KIF1B: variants seen among roughly 807,000 people sequenced by gnomAD.
The protein encoded by KIF1B is kinesin family member 1B.
Under a neutral mutation model 241.9 loss-of-function variants are expected in KIF1B, and 76 were observed. The ratio of observed to expected loss-of-function variants is 0.31; its 90% CI spans 0.26 to 0.38. The LOEUF is 0.38. Ranked by LOEUF, KIF1B falls within the 10% of genes least tolerant of loss-of-function variation. The pLI, the probability that KIF1B is intolerant of heterozygous loss-of-function variation, is 1.00. For synonymous variants in KIF1B, 750 were observed against 796.7 expected (o/e 0.94, Z 0.99); for missense variants, 1,622 against 2,271.4 (o/e 0.71, Z 5.81).
intron 5 of KIF1B, among the ~76,000 whole-genome samples, chr1:10,263,282 AATAAT>A (rs1397617744): frequency 6.5e-5 from 8 of 123,372 alleles, no homozygotes; most frequent in South Asian, 4.6e-4. Flanking sequence ...AAAAAAAAAT[AATAAT>A]AATAAATAAA....
In KIF1B at chr1:10,305,209, C is replaced by A. The variant is rs964851118; in HGVS notation, c.2115+7963C>A. On this transcript the variant is annotated intron_variant, in intron 22 of 48. Transcript: ENST00000676179. Reference sequence around the variant, plus strand: ...CAAAACTAAAGGTCTTCAAACATATCTTGCAATACATAGCTTTGCATCTTC... The same window carrying A: ...CAAAACTAAAGGTCTTCAAACATATATTGCAATACATAGCTTTGCATCTTC... The A allele has an allele frequency of 2.9e-6, 3 of 1,046,092 alleles. No homozygotes were observed. The East Asian group carries it at 1.7e-4, about 59-fold the overall frequency. 64.8% of individuals were successfully genotyped at this position (1,046,092 alleles called of 1,614,324 possible). A position where few individuals can be genotyped will look rare whatever the true frequency, so the allele number is the denominator to read the frequency against.
In KIF1B at chr1:10,297,678, G is replaced by T. The variant is rs189827499; in HGVS notation, c.2115+432G>T. Among the ~76,000 whole-genome samples the T allele has an allele frequency of 4.5e-4, 68 of 151,944 alleles. 1 individual carries two copies. The highest frequency in any genetic ancestry group is 4.5e-3 in the Admixed American group (68 of 15,270). On this transcript the variant is annotated intron_variant, in intron 22 of 48. Transcript: ENST00000676179. ...TTCTCTGCTCTTGGGCTGACTTTGGGATTGTTCTTACGCTGGGCAGACTTT... is the reference window on the plus strand; with the variant it reads ...TTCTCTGCTCTTGGGCTGACTTTGGTATTGTTCTTACGCTGGGCAGACTTT...
At chr1:10,335,391 TA>T (rs1340029385) in intron 28 of KIF1B, among the ~76,000 whole-genome samples, 2 of 152,182 alleles carry the variant, frequency 1.3e-5, no homozygotes, top group Non-Finnish European at 2.9e-5. Context: ...TAAATGGGAT[TA>T]CAGGTGCCCA....
chr1:10,336,559 A>C, intron 28 of KIF1B, 98 bp from the exon 29 acceptor site: 1 of 935,214 alleles, frequency 1.1e-6, no homozygotes, highest in Non-Finnish European at 1.8e-6. Flanking sequence ...TCATTCTCTC[A>C]TGCCAAAGAC....
intron 22 of KIF1B, among the ~76,000 whole-genome samples, chr1:10,309,583 A>C (rs994297202): frequency 1.3e-5 from 2 of 151,250 alleles, no homozygotes; most frequent in African/African-American, 2.5e-5. Context: ...TAACCGGAAA[A>C]CTCAGAATGG....
chr1:10,342,492 C>T (rs1210495331), intron 33 of KIF1B, among the ~76,000 whole-genome samples: 1 of 152,182 alleles, frequency 6.6e-6, no homozygotes, highest in East Asian at 1.9e-4. Flanking sequence ...CTTTATGAAA[C>T]AGAAGCTCTA....
chr1:10,327,727 T>C (rs1651777199), intron 27 of KIF1B, among the ~76,000 whole-genome samples: 2 of 152,300 alleles, frequency 1.3e-5, no homozygotes, highest in South Asian at 4.1e-4. Flanking sequence ...AGAGCATGCA[T>C]TGAATTAACC....
At chr1:10,226,233 A>G (rs1646906790) in intron 1 of KIF1B, among the ~76,000 whole-genome samples, 1 of 152,196 alleles carries the variant, frequency 6.6e-6, no homozygotes, top group Non-Finnish European at 1.5e-5. Context: ...ATTAAAAAGA[A>G]ATAGAAAGGA....
intron 38 of KIF1B, among the ~76,000 whole-genome samples, chr1:10,355,120 G>A (rs765637266): frequency 2.6e-4 from 39 of 152,256 alleles, no homozygotes; most frequent in Middle Eastern, 3.4e-3. Context: ...ACTGATGGTG[G>A]TGGTCTCCAC....
chr1:10,276,414 T>A lies in KIF1B; in HGVS notation c.1037+15T>A. The A allele has an allele frequency of 6.3e-7, 1 of 1,598,030 alleles. No homozygotes were observed. The highest frequency in any genetic ancestry group is 8.6e-7 in the Non-Finnish European group (1 of 1,166,044). On this transcript the variant is annotated intron_variant, in intron 12 of 48. Transcript: ENST00000676179. ...AGCACTCTGAGGTACTTTCTTTTGATCTCAGTAACAACATAGACCACATTG... is the reference window on the plus strand; with the variant it reads ...AGCACTCTGAGGTACTTTCTTTTGAACTCAGTAACAACATAGACCACATTG...
At chr1:10,270,812 G>T (rs1487908637) in intron 7 of KIF1B, among the ~76,000 whole-genome samples, 1 of 151,774 alleles carries the variant, frequency 6.6e-6, no homozygotes, top group Non-Finnish European at 1.5e-5. Flanking sequence ...TGTAAGCTCA[G>T]CTACTCGGGA....
chr1:10,299,808 A>G (rs1342808520), intron 22 of KIF1B, among the ~76,000 whole-genome samples: 3 of 152,054 alleles, frequency 2.0e-5, no homozygotes, highest in Non-Finnish European at 2.9e-5. Flanking sequence ...TTATTTGCAT[A>G]AGTTCCTTGC....
At position 10,321,826 on chromosome 1, in the gene KIF1B, C is replaced by T. The variant is rs779154575; in HGVS notation, c.2327C>T (p.Ala776Val). ...LWGNAVYLKE[A>V]NAISVELKKK... ...GGCAATGCCGTGTACCTAAAGGAGG[C>T]CAATGCCATCAGTGTGGAACTGAAA... Residue 776 changes from alanine (A) to valine (V), a missense_variant, in exon 24 of 49, where the codon GCC becomes GTC. Coordinates refer to ENST00000676179, the MANE Select transcript of KIF1B (RefSeq NM_001365951.3). The T allele has an allele frequency of 1.9e-6, 3 of 1,614,118 alleles. No individual in the cohort carries two copies. Among genetic ancestry groups the T allele is most frequent in the South Asian group, 2.2e-5 (2 of 91,078 alleles).
At chr1:10,360,610 G>C (rs148863077) in intron 38 of KIF1B, among the ~76,000 whole-genome samples, 4,354 of 151,264 alleles carry the variant, frequency 0.029, 63 homozygotes, top group African/African-American at 0.038. Flanking sequence ...ACTTGAACCC[G>C]GGAGGCAGAG....
At chr1:10,219,306 C>A (rs1646809562) in intron 1 of KIF1B, among the ~76,000 whole-genome samples, 1 of 151,436 alleles carries the variant, frequency 6.6e-6, no homozygotes, top group Non-Finnish European at 1.5e-5. Flanking sequence ...ACTAAAAATA[C>A]AAATTTAGCC....
intron 22 of KIF1B, among the ~76,000 whole-genome samples, chr1:10,315,995 A>T (rs1329621096): frequency 6.8e-6 from 1 of 147,202 alleles, no homozygotes; most frequent in Non-Finnish European, 1.5e-5. Flanking sequence ...GGCAGAGGTT[A>T]TAGTGAGCTG....
At chr1:10,291,624 A>G (rs1650000379) in intron 16 of KIF1B, among the ~76,000 whole-genome samples, 1 of 151,960 alleles carries the variant, frequency 6.6e-6, no homozygotes, top group Non-Finnish European at 1.5e-5. Flanking sequence ...AGGCAGGAGA[A>G]TGGCGTGAAC....
At chr1:10,368,018 C>T (rs1439265751) in intron 43 of KIF1B, among the ~76,000 whole-genome samples, 1 of 152,130 alleles carries the variant, frequency 6.6e-6, no homozygotes, top group Admixed American at 6.5e-5. Flanking sequence ...TGAGCCATCA[C>T]ACCCAGCCAG....
intron 8 of KIF1B, among the ~76,000 whole-genome samples, chr1:10,271,988 G>A (rs1051127254): frequency 2.0e-5 from 3 of 152,210 alleles, no homozygotes; most frequent in Admixed American, 1.3e-4. Flanking sequence ...TAAGTTGAGG[G>A]AAGAAGGCTG....
Sources: gnomAD v4.1 joint callset for allele counts (sites outside exome capture counted in the v4.1 genomes callset) on GRCh38, gnomAD v4.1.1 for gene constraint, MANE v1.5 for transcripts, NCBI Gene and HGNC (gene_info 2026-07-23, HGNC 2026-07-21) for gene names.